Variants in COL8A2 observed in about 807,000 individuals in gnomAD.
The protein encoded by COL8A2 is collagen alpha-2(VIII) chain.
COL8A2 carries 16 observed loss-of-function variants against 24.0 expected under a neutral mutation model. The observed-to-expected ratio is 0.67, with a 90% CI of 0.45 to 1.01. COL8A2 has a LOEUF of 1.01. Ranked by LOEUF, COL8A2 falls within the 50% of genes least tolerant of loss-of-function variation. The pLI is 0.00. For synonymous variants in COL8A2, 466 were observed against 424.5 expected (o/e 1.10, Z -1.20); for missense variants, 818 against 942.4 (o/e 0.87, Z 1.73).
At position 36,098,621 on chromosome 1, in the gene COL8A2, G is replaced by GT; in HGVS notation, c.1059dup (p.Gln354ThrfsTer25). The GT allele has an allele frequency of 6.2e-7, 1 of 1,611,480 alleles. No homozygotes were observed. On this transcript the variant is annotated frameshift_variant, in exon 4 of 4. Coordinates refer to ENST00000397799, the MANE Select transcript of COL8A2 (RefSeq NM_005202.4). LOFTEE classifies it high-confidence loss of function. ...AGTCCAGGGGGACCCCCAAGACCCTGTGGGCCCTGCTCCCCTGGCTCCCCA... is the reference window on the plus strand; with the variant it reads ...AGTCCAGGGGGACCCCCAAGACCCTGTTGGGCCCTGCTCCCCTGGCTCCCCA...
rs3845486 is a variant in COL8A2 at position 36,123,815 on chromosome 1, G to T, written c.-62+1242C>A. Among the ~76,000 whole-genome samples the T allele has an allele frequency of 0.62, 94,571 of 151,972 alleles. 31,671 individuals carry two copies. Among genetic ancestry groups the T allele is most frequent in the Non-Finnish European group, 0.77 (52,387 of 67,956 alleles). On this transcript the variant is annotated intron_variant, in intron 1 of 3. Transcript: ENST00000397799. This position sits in a 1 kb window ranked among gnomAD's most constrained non-coding sequence, Gnocchi z 4.1. Reference sequence around the variant, plus strand: ...CTCCTCATTATCATCTAGGGTCATTGTGTGTCCAAGGGTTTGTAGGTGTTC... The same window carrying T: ...CTCCTCATTATCATCTAGGGTCATTTTGTGTCCAAGGGTTTGTAGGTGTTC...
chr1:36,114,167 A>G (rs1269017141), intron 2 of COL8A2, among the ~76,000 whole-genome samples: 1 of 151,868 alleles, frequency 6.6e-6, no homozygotes, highest in Non-Finnish European at 1.5e-5. Flanking sequence ...AAATACAAAA[A>G]AATTAGCTGG....
Position 36,098,518 on chromosome 1 carries a change from C to T in COL8A2, c.1163G>A (p.Gly388Glu). Reference protein sequence around the residue: ...KGEAGPGGPPGVPGIRGDQGP... With the variant: ...KGEAGPGGPPEVPGIRGDQGP... Reference sequence around the variant, plus strand: ...CTGGTCACCTCGAATGCCAGGCACTCCTGGGGGTCCTCCAGGCCCTGCCTC... The same window carrying T: ...CTGGTCACCTCGAATGCCAGGCACTTCTGGGGGTCCTCCAGGCCCTGCCTC... The change falls in exon 4 of 4, where the codon GGA (glycine) becomes GAA (glutamate). Residue 388 changes from glycine (G) to glutamate (E), a missense_variant. Gly to Glu is a moderately conservative substitution (Grantham distance 98). This residue lies in a region of COL8A2 where 573 missense variants were observed against 616.8 expected (regional missense o/e 0.93). Transcript: ENST00000397799. 6.3e-7 allele frequency: 1 copy of T among 1,593,058 alleles called. No individual in the cohort carries two copies. The highest frequency in any genetic ancestry group is 8.5e-7 in the Non-Finnish European group (1 of 1,170,604).
Position 36,098,202 on chromosome 1 carries a change from T to C in COL8A2, c.1479A>G (p.Gly493=). Residue 493 remains glycine (G), a synonymous_variant, in exon 4 of 4, where the codon GGA becomes GGG. Transcript: ENST00000397799. The stretch of plus-strand genomic sequence containing the variant: ...TGCCAGGTTCCCCTGCTCTCCCCTC[T>C]CCAGGGGGCCCTGGCAGGCCTGGTT... ...KGEPGLPGPP[G]EGRAGEPGTA... 1 of 1,538,002 alleles carries C rather than the reference T, an allele frequency of 6.5e-7. No individual in the cohort carries two copies. The highest frequency in any genetic ancestry group is 2.5e-5 in the East Asian group (1 of 40,688).
At chr1:36,108,805 G>C (rs926711650) in intron 2 of COL8A2, among the ~76,000 whole-genome samples, 4 of 152,150 alleles carry the variant, frequency 2.6e-5, no homozygotes, top group Admixed American at 2.0e-4. Flanking sequence ...GCCTGAAGAG[G>C]GGAAAGGACA....
In COL8A2 at chr1:36,097,710, G is replaced by C; in HGVS notation, c.1971C>G (p.Asp657Glu). ...GGAGCACGGCCCCACCAGATGCCTG[G>C]TCCAGGTAGCCCTTCTTGTACTCAT... The part of the protein sequence containing the change: ...TYDEYKKGYL[D>E]QASGGAVLQL... The change falls in exon 4 of 4, where the codon GAC (aspartate) becomes GAG (glutamate). Residue 657 changes from aspartate to glutamate, a missense_variant. This residue lies in a region of COL8A2 where 235 missense variants were observed against 297.3 expected (regional missense o/e 0.79). Transcript: ENST00000397799. The C allele has an allele frequency of 6.2e-7, 1 of 1,613,668 alleles. No homozygotes were observed. Among genetic ancestry groups the C allele is most frequent in the Non-Finnish European group, 8.5e-7 (1 of 1,180,026 alleles).
intron 2 of COL8A2, among the ~76,000 whole-genome samples, chr1:36,101,750 G>A (rs1643681520): frequency 6.6e-6 from 1 of 152,244 alleles, no homozygotes. Context: ...CAATGAAAAT[G>A]AATGAAGTAC....
Position 36,097,866 on chromosome 1 carries a change from G to T in COL8A2, c.1815C>A (p.Tyr605Ter), listed in dbSNP as rs149251273. 450 of 1,612,038 alleles carry T rather than the reference G, an allele frequency of 2.8e-4. No individual in the cohort carries two copies. Among genetic ancestry groups the T allele is most frequent in the Middle Eastern group, 4.9e-4 (3 of 6,062 alleles). ...AGGTGAAGATGCCAGTGGCTGGGTT[G>T]TAGCCGCTGTGGCCATTGTAGAGAG... ...DRTLYNGHSGYNPATGIFTCP... is the reference protein window; with the variant it reads ...DRTLYNGHSG Residue 605 changes from tyrosine to a stop codon, truncating the protein, a stop_gained, in exon 4 of 4, where the codon TAC (tyrosine) becomes TAA (stop). Coordinates refer to ENST00000397799, the MANE Select transcript of COL8A2 (RefSeq NM_005202.4). LOFTEE classifies it high-confidence loss of function.
chr1:36,109,027 A>G (rs1643801176), intron 2 of COL8A2, among the ~76,000 whole-genome samples: 1 of 152,164 alleles, frequency 6.6e-6, no homozygotes, highest in South Asian at 2.1e-4. Flanking sequence ...TAGGTTCCCA[A>G]CGGACCGGCA....
intron 2 of COL8A2, among the ~76,000 whole-genome samples, chr1:36,113,724 C>T (rs1643865783): frequency 6.6e-6 from 1 of 152,250 alleles, no homozygotes; most frequent in Non-Finnish European, 1.5e-5. Flanking sequence ...AGGGCTGCCA[C>T]CTGCCCACCT....
intron 2 of COL8A2, among the ~76,000 whole-genome samples, chr1:36,108,466 C>T (rs1410643263): frequency 1.3e-5 from 2 of 152,202 alleles, no homozygotes; most frequent in East Asian, 1.9e-4. Flanking sequence ...GGCAGGGGCA[C>T]GGAGCCCGAG....
chr1:36,106,258 CG>C (rs1234929846), intron 2 of COL8A2, among the ~76,000 whole-genome samples: 2 of 149,782 alleles, frequency 1.3e-5, no homozygotes, highest in African/African-American at 4.9e-5. Flanking sequence ...AGAGAGACTC[CG>C]TCAAAAAAAA....
chr1:36,096,388 C>G lies in COL8A2; in HGVS notation c.*1181G>C, dbSNP rs1643564722. ...CTGTTGGCACCCTTTCTCTCCCAGC[C>G]TTAGCCTCCTGGGCCCTAGTCCTGC... On this transcript the variant is annotated 3_prime_UTR_variant, in exon 4 of 4. Coordinates refer to ENST00000397799, the MANE Select transcript of COL8A2 (RefSeq NM_005202.4). 1 of 152,314 alleles carries G rather than the reference C, an allele frequency of 6.6e-6. No individual in the cohort carries two copies. The highest frequency in any genetic ancestry group is 6.5e-5 in the Admixed American group (1 of 15,286). The allele number at this position is 152,314 out of a possible 1,614,324, so 9.4% of individuals were successfully genotyped here.
rs567245056 is a variant in COL8A2 at position 36,104,200 on chromosome 1, A to G, written c.-16-3942T>C. Among the ~76,000 whole-genome samples, 353 of 151,436 alleles carry G rather than the reference A, an allele frequency of 2.3e-3. 2 individuals carry two copies. The highest frequency in any genetic ancestry group is 8.4e-3 in the African/African-American group (346 of 41,252). ...CAAGAGCAAAACTCCACCTCAAAAA[A>G]CAAAAAATGGGCCAGGCGCAGTGGC... is the stretch of plus-strand genomic sequence containing the variant. On this transcript the variant is annotated intron_variant, in intron 2 of 3. Transcript: ENST00000397799.
At chr1:36,103,540 T>G (rs1211795220) in intron 2 of COL8A2, among the ~76,000 whole-genome samples, 1 of 152,182 alleles carries the variant, frequency 6.6e-6, no homozygotes, top group Non-Finnish European at 1.5e-5. Context: ...CCCAAAGTAC[T>G]GGGATTGCAG....
In COL8A2 at chr1:36,096,509, T is replaced by C. The variant is rs181392898; in HGVS notation, c.*1060A>G. On this transcript the variant is annotated 3_prime_UTR_variant, in exon 4 of 4. Transcript: ENST00000397799. Reference sequence around the variant, plus strand: ...ACATACACCCACCATATGGTTCTTATTAAGGAAAAGGAAGTGGGAGCCGTC... The same window carrying C: ...ACATACACCCACCATATGGTTCTTACTAAGGAAAAGGAAGTGGGAGCCGTC... 3 of 152,218 alleles carry C rather than the reference T, an allele frequency of 2.0e-5. No individual in the cohort carries two copies. Among genetic ancestry groups the C allele is most frequent in the Non-Finnish European group, 2.9e-5 (2 of 68,026 alleles). The allele number at this position is 152,218 out of a possible 1,614,324, so 9.4% of individuals were successfully genotyped here.
chr1:36,106,421 C>T (rs1042261131), intron 2 of COL8A2, among the ~76,000 whole-genome samples: 2 of 152,146 alleles, frequency 1.3e-5, no homozygotes, highest in African/African-American at 4.8e-5. Context: ...GGGGAGGGCC[C>T]TCCTGCACTG....
At chr1:36,101,241 T>C (rs978695248) in intron 2 of COL8A2, among the ~76,000 whole-genome samples, 3 of 152,146 alleles carry the variant, frequency 2.0e-5, no homozygotes, top group Non-Finnish European at 4.4e-5. Flanking sequence ...TCTCCAACTC[T>C]ATTGCCTGCT....
chr1:36,095,835 C>T lies in COL8A2; in HGVS notation c.*1734G>A, dbSNP rs1260813111. The T allele has an allele frequency of 5.3e-5, 8 of 152,158 alleles. No homozygotes were observed. Among genetic ancestry groups the T allele is most frequent in the Non-Finnish European group, 8.8e-5 (6 of 68,036 alleles). The allele number at this position is 152,158 out of a possible 1,614,324, so 9.4% of individuals were successfully genotyped here. A position where few individuals can be genotyped will look rare whatever the true frequency, so the allele number is the denominator to read the frequency against. On this transcript the variant is annotated 3_prime_UTR_variant, in exon 4 of 4. Coordinates refer to ENST00000397799, the MANE Select transcript of COL8A2 (RefSeq NM_005202.4). ...AGAGTCCTTAGTTGGTTTTCTTGGG[C>T]GTTAGGTAGTAAGAAATCCACCAGG...
Sources: allele counts gnomAD v4.1 joint callset (sites outside exome capture counted in the v4.1 genomes callset), GRCh38; gene constraint gnomAD v4.1.1; regional missense constraint gnomAD v4.1.1; non-coding constraint Gnocchi (gnomAD v3.1); transcripts MANE v1.5; gene names NCBI Gene and HGNC (gene_info 2026-07-23, HGNC 2026-07-21).